Variants in ARHGAP15 observed in about 807,000 individuals in gnomAD.
The protein encoded by ARHGAP15 is Rho GTPase activating protein 15.
In ARHGAP15, 51 loss-of-function variants were observed where a neutral mutation model predicts 63.7. That is an observed-to-expected ratio of 0.80 (90% CI 0.64 to 1.01). The LOEUF (loss-of-function observed/expected upper bound fraction) is 1.01. Among genes scored for constraint, ARHGAP15 ranks in the 50% least tolerant of loss-of-function variants. The pLI, the probability that ARHGAP15 is intolerant of heterozygous loss-of-function variation, is 0.00. For synonymous variants in ARHGAP15, 191 were observed against 193.8 expected (o/e 0.99, Z 0.12); for missense variants, 560 against 564.6 (o/e 0.99, Z 0.08).
intron 6 of ARHGAP15, among the ~76,000 whole-genome samples, chr2:143,309,174 C>A (rs551533928): frequency 6.6e-5 from 10 of 151,998 alleles, no homozygotes; most frequent in Non-Finnish European, 8.8e-5. Context: ...TGGAATCAAC[C>A]TTTTCCCTTC....
intron 13 of ARHGAP15, among the ~76,000 whole-genome samples, chr2:143,761,517 G>GAT (rs926333125): frequency 6.3e-5 from 7 of 110,808 alleles, no homozygotes; most frequent in Admixed American, 1.8e-4. Context: ...AAACTTAAAA[G>GAT]AAAGTTCACA....
chr2:143,264,628 T>C (rs188432362), intron 6 of ARHGAP15, among the ~76,000 whole-genome samples: 20 of 152,188 alleles, frequency 1.3e-4, no homozygotes, highest in Admixed American at 7.2e-4. Flanking sequence ...TATCACCCTA[T>C]GAGAATATCT....
intron 2 of ARHGAP15, among the ~76,000 whole-genome samples, chr2:143,201,840 C>T (rs994625231): frequency 6.6e-6 from 1 of 152,092 alleles, no homozygotes. Flanking sequence ...TTTATTGAAG[C>T]AGGCATAAGG....
intron 8 of ARHGAP15, among the ~76,000 whole-genome samples, chr2:143,453,240 C>T (rs983107334): frequency 1.1e-4 from 17 of 151,988 alleles, no homozygotes; most frequent in Non-Finnish European, 2.5e-4. Context: ...AGCAGTCTAA[C>T]TTCACAGCCT....
rs76314107 is a variant in ARHGAP15 at position 143,199,504 on chromosome 2, C to T, written c.166-2630C>T. 4.4e-3 allele frequency among the ~76,000 whole-genome samples: 672 copies of T among 152,172 alleles called. 4 individuals are homozygous for T. Among genetic ancestry groups the T allele is most frequent in the African/African-American group, 0.01 (422 of 41,536 alleles). On this transcript the variant is annotated intron_variant, in intron 2 of 13. Coordinates refer to ENST00000295095, the MANE Select transcript of ARHGAP15 (RefSeq NM_018460.4). ...ATGGTTTCCCCACATGGTGATTCAGCGCCCAAACTCCTTCCATCTTGCAAC... is the reference window on the plus strand; with the variant it reads ...ATGGTTTCCCCACATGGTGATTCAGTGCCCAAACTCCTTCCATCTTGCAAC...
chr2:143,255,661 C>T (rs1490739691), intron 6 of ARHGAP15, among the ~76,000 whole-genome samples: 1 of 152,022 alleles, frequency 6.6e-6, no homozygotes, highest in Non-Finnish European at 1.5e-5. Flanking sequence ...TGGTATTGTG[C>T]TTTTATCCAT....
At chr2:143,674,800 C>A (rs958955403) in intron 12 of ARHGAP15, among the ~76,000 whole-genome samples, 1 of 152,162 alleles carries the variant, frequency 6.6e-6, no homozygotes, top group African/African-American at 2.4e-5. Context: ...TAATGGTTAT[C>A]TGAGACTTCA....
chr2:143,152,657 C>T (rs1349347230), intron 1 of ARHGAP15, among the ~76,000 whole-genome samples: 1 of 151,946 alleles, frequency 6.6e-6, no homozygotes, highest in Non-Finnish European at 1.5e-5. Context: ...TGTCATTTTT[C>T]TCTATCTTCC....
At chr2:143,738,648 TG>T (rs1332657392) in intron 13 of ARHGAP15, among the ~76,000 whole-genome samples, 1 of 152,210 alleles carries the variant, frequency 6.6e-6, no homozygotes, top group Non-Finnish European at 1.5e-5. Flanking sequence ...TAATTACTTT[TG>T]GTGAGAAAAA....
At chr2:143,342,292 A>T (rs1685091824) in intron 6 of ARHGAP15, among the ~76,000 whole-genome samples, 1 of 152,100 alleles carries the variant, frequency 6.6e-6, no homozygotes, top group Non-Finnish European at 1.5e-5. Flanking sequence ...AGGGAAGTTT[A>T]TATGTCTAGA....
intron 6 of ARHGAP15, among the ~76,000 whole-genome samples, chr2:143,404,898 C>T (rs1490274347): frequency 1.3e-5 from 2 of 151,940 alleles, no homozygotes; most frequent in Non-Finnish European, 2.9e-5. Context: ...GTGGTGAGAA[C>T]TTACACATTA....
At chr2:143,751,414 A>T (rs1686367982) in intron 13 of ARHGAP15, among the ~76,000 whole-genome samples, 1 of 152,120 alleles carries the variant, frequency 6.6e-6, no homozygotes, top group South Asian at 2.1e-4. Flanking sequence ...TCAAAGAGAG[A>T]CCTGGGTAGC....
intron 12 of ARHGAP15, among the ~76,000 whole-genome samples, chr2:143,696,179 G>T (rs1683836841): frequency 6.6e-6 from 1 of 151,876 alleles, no homozygotes; most frequent in African/African-American, 2.4e-5. Flanking sequence ...CCTTCAGTTA[G>T]AAGAAAGACA....
At chr2:143,477,066 A>G (rs1691849703) in intron 8 of ARHGAP15, among the ~76,000 whole-genome samples, 1 of 152,232 alleles carries the variant, frequency 6.6e-6, no homozygotes, top group Non-Finnish European at 1.5e-5. Context: ...AATGATTTTA[A>G]CACATGTTCA....
chr2:143,290,664 C>T (rs757252769), intron 6 of ARHGAP15, among the ~76,000 whole-genome samples: 1 of 152,000 alleles, frequency 6.6e-6, no homozygotes, highest in Non-Finnish European at 1.5e-5. Context: ...AAGTTGCAAC[C>T]GTTTTTTTGA....
chr2:143,257,945 A>C (rs571585952), intron 6 of ARHGAP15, among the ~76,000 whole-genome samples: 2 of 152,240 alleles, frequency 1.3e-5, no homozygotes, highest in African/African-American at 4.8e-5. Flanking sequence ...ATCCTTTTTC[A>C]TATCTGTTTC....
rs146285906 is a variant in ARHGAP15, at chr2:143,542,945, T to C, written c.926-13463T>C. Reference sequence around the variant, plus strand: ...AATATCACATTTTATCATTCAACCATTGATGGACACTTAGGTTAATTCCAT... The same window carrying C: ...AATATCACATTTTATCATTCAACCACTGATGGACACTTAGGTTAATTCCAT... On this transcript the variant is annotated intron_variant, in intron 10 of 13. Transcript: ENST00000295095. Among the ~76,000 whole-genome samples the C allele has an allele frequency of 2.0e-3, 306 of 149,598 alleles. 1 individual carries two copies. Among genetic ancestry groups the C allele is most frequent in the African/African-American group, 6.7e-3 (276 of 40,990 alleles).
chr2:143,598,638 G>T (rs145348048), intron 11 of ARHGAP15, among the ~76,000 whole-genome samples: 1 of 152,234 alleles, frequency 6.6e-6, no homozygotes, highest in Admixed American at 6.5e-5. Context: ...GGGCTCAGTA[G>T]TTCACACCTG....
At chr2:143,266,459 A>T (rs1680999681) in intron 6 of ARHGAP15, among the ~76,000 whole-genome samples, 1 of 152,174 alleles carries the variant, frequency 6.6e-6, no homozygotes, top group Non-Finnish European at 1.5e-5. Flanking sequence ...GCCCCAAAAC[A>T]GGGCAGACTA....
Sources: allele counts gnomAD v4.1 joint callset (sites outside exome capture counted in the v4.1 genomes callset), GRCh38; gene constraint gnomAD v4.1.1; transcripts MANE v1.5; gene names NCBI Gene and HGNC (gene_info 2026-07-23, HGNC 2026-07-21).